Variants in DHRSX observed in about 807,000 individuals in gnomAD.
DHRSX encodes the protein polyprenol dehydrogenase.
DHRSX carries 31 observed loss-of-function variants against 34.0 expected under a neutral mutation model. That is an observed-to-expected ratio of 0.91 (90% CI 0.69 to 1.23). The LOEUF (loss-of-function observed/expected upper bound fraction) is 1.23, where lower values mean the gene tolerates loss of function less well. DHRSX is among the 50% of genes most tolerant of loss of function. The probability of loss-of-function intolerance (pLI) is 0.00; values close to 1 mark genes in which losing one functional copy is unlikely to be tolerated. For synonymous variants in DHRSX, 201 were observed against 183.8 expected (o/e 1.09, Z -0.76); for missense variants, 414 against 428.1 (o/e 0.97, Z 0.29).
At chrX:2,253,091 T>A (rs2016469627) in intron 5 of DHRSX, among the ~76,000 whole-genome samples, 1 of 152,192 alleles carries the variant, frequency 6.6e-6, no homozygotes, top group Non-Finnish European at 1.5e-5. Flanking sequence ...GAGGCTGAGG[T>A]GGGAGCAGAT....
intron 5 of DHRSX, among the ~76,000 whole-genome samples, chrX:2,243,986 G>A (rs1426859578): frequency 6.7e-6 from 1 of 149,160 alleles, no homozygotes; most frequent in Non-Finnish European, 1.5e-5. Context: ...GGCCAGGCTG[G>A]TCTTGAACTC....
At chrX:2,253,576 G>A (rs1433103544) in intron 5 of DHRSX, among the ~76,000 whole-genome samples, 1 of 152,220 alleles carries the variant, frequency 6.6e-6, no homozygotes, top group African/African-American at 2.4e-5. Flanking sequence ...GGTGAGACAG[G>A]GAGACTGCCA....
At chrX:2,359,349 C>G (rs1199455282) in intron 3 of DHRSX, among the ~76,000 whole-genome samples, 1 of 152,202 alleles carries the variant, frequency 6.6e-6, no homozygotes, top group Non-Finnish European at 1.5e-5. Context: ...TGGGATCAAT[C>G]TGAATGCCCA....
chrX:2,311,837 G>A (rs756515864), intron 3 of DHRSX, among the ~76,000 whole-genome samples: 5 of 152,192 alleles, frequency 3.3e-5, no homozygotes, highest in East Asian at 3.9e-4. Flanking sequence ...AATGAGCGTC[G>A]ATTTAATGGT....
At chrX:2,378,037 C>T (rs906490123) in intron 3 of DHRSX, among the ~76,000 whole-genome samples, 6 of 152,004 alleles carry the variant, frequency 3.9e-5, no homozygotes, top group African/African-American at 1.4e-4. Context: ...TGCGCCCGGC[C>T]GTGTGCACAC....
At chrX:2,235,737 G>C (rs1278647532) in intron 6 of DHRSX, among the ~76,000 whole-genome samples, 1 of 43,604 alleles carries the variant, frequency 2.3e-5, no homozygotes, top group Non-Finnish European at 4.5e-5. Flanking sequence ...AGCATCTCAG[G>C]GGAAAAAAAA....
intron 1 of DHRSX, among the ~76,000 whole-genome samples, chrX:2,468,587 T>C (rs2044534454): frequency 6.6e-6 from 1 of 151,722 alleles, no homozygotes; most frequent in Non-Finnish European, 1.5e-5. Context: ...ATGTACACAC[T>C]GAAGACGTTC....
In DHRSX at chrX:2,414,741, C is replaced by T. The variant is rs1413515997; in HGVS notation, c.218-5928G>A. Among the ~76,000 whole-genome samples, 4 of 151,996 alleles carry T rather than the reference C, an allele frequency of 2.6e-5. No individual in the cohort carries two copies. In the East Asian group the frequency reaches 7.8e-4, roughly 30 times the overall value. On this transcript the variant is annotated intron_variant, in intron 2 of 6. Transcript: ENST00000334651. ...ATAAACAAATTACATCTCATTATGA[C>T]AACGAACTAGATCTTATCATAACCT... is the stretch of plus-strand genomic sequence containing the variant.
chrX:2,307,723 C>G (rs970562840), intron 3 of DHRSX, among the ~76,000 whole-genome samples: 2 of 148,228 alleles, frequency 1.3e-5, no homozygotes, highest in African/African-American at 2.5e-5. Context: ...CGAGATTGTG[C>G]CACTGCACTC....
chrX:2,238,696 G>C (rs1186727427), intron 6 of DHRSX, among the ~76,000 whole-genome samples: 1 of 150,480 alleles, frequency 6.6e-6, no homozygotes, highest in Non-Finnish European at 1.5e-5. Context: ...CGATTCCCCT[G>C]CCTCAGCCTC....
chrX:2,444,954 C>T (rs1290980037), intron 1 of DHRSX, among the ~76,000 whole-genome samples: 9 of 152,066 alleles, frequency 5.9e-5, no homozygotes, highest in South Asian at 4.1e-4. Flanking sequence ...GTCAGGAGTT[C>T]GAGACCAGCC....
At chrX:2,343,256 C>T (rs2042662493) in intron 3 of DHRSX, among the ~76,000 whole-genome samples, 1 of 152,196 alleles carries the variant, frequency 6.6e-6, no homozygotes, top group South Asian at 2.1e-4. Context: ...TCTGACCTAA[C>T]TCAGCCAGAA....
chrX:2,471,025 G>A (rs1569504688), intron 1 of DHRSX, among the ~76,000 whole-genome samples: 2 of 152,114 alleles, frequency 1.3e-5, no homozygotes, highest in Non-Finnish European at 2.9e-5. Context: ...TTTAATCATT[G>A]CATGATGTGT....
chrX:2,461,463 T>C (rs918126194), intron 1 of DHRSX, among the ~76,000 whole-genome samples: 2 of 152,230 alleles, frequency 1.3e-5, no homozygotes, highest in Non-Finnish European at 2.9e-5. Context: ...CACAACCTAC[T>C]AGCTCACGTA....
chrX:2,346,914 C>T (rs1255959060), intron 3 of DHRSX, among the ~76,000 whole-genome samples: 1 of 151,976 alleles, frequency 6.6e-6, no homozygotes, highest in Non-Finnish European at 1.5e-5. Flanking sequence ...GTTTTCTGTC[C>T]TTGTGATAGT....
At chrX:2,283,332 G>A (rs2041755089) in intron 4 of DHRSX, among the ~76,000 whole-genome samples, 1 of 152,060 alleles carries the variant, frequency 6.6e-6, no homozygotes, top group Admixed American at 6.6e-5. Flanking sequence ...GAGAGGCAGA[G>A]GAAACCACTA....
chrX:2,285,772 A>T (rs757388445), intron 4 of DHRSX, among the ~76,000 whole-genome samples: 1 of 152,260 alleles, frequency 6.6e-6, no homozygotes, highest in East Asian at 1.9e-4. Flanking sequence ...CAATATCCCA[A>T]ACATACAATC....
intron 3 of DHRSX, among the ~76,000 whole-genome samples, chrX:2,343,153 A>G (rs1440845761): frequency 7.9e-5 from 12 of 152,232 alleles, no homozygotes; most frequent in Non-Finnish European, 1.6e-4. Flanking sequence ...CAACCCTGCA[A>G]TAAACTCTCC....
chrX:2,476,794 G>A (rs1186151963), intron 1 of DHRSX, among the ~76,000 whole-genome samples: 2 of 152,016 alleles, frequency 1.3e-5, no homozygotes, highest in Non-Finnish European at 1.5e-5. Flanking sequence ...ACCTGAGGTC[G>A]GGAGTTCAAG....
Sources: allele counts gnomAD v4.1 joint callset (sites outside exome capture counted in the v4.1 genomes callset), GRCh38; gene constraint gnomAD v4.1.1; transcripts MANE v1.5; gene names NCBI Gene and HGNC (gene_info 2026-07-23, HGNC 2026-07-21).